Variants in KLF8 observed in about 807,000 individuals in gnomAD.
KLF8 encodes the protein Krueppel-like factor 8.
Under a neutral mutation model 18.2 loss-of-function variants are expected in KLF8, and 10 were observed. The ratio of observed to expected loss-of-function variants is 0.55; its 90% CI spans 0.34 to 0.93. The LOEUF (loss-of-function observed/expected upper bound fraction) is 0.93, where lower values mean the gene tolerates loss of function less well. Among genes scored for constraint, KLF8 ranks in the 40% least tolerant of loss-of-function variants. The probability of loss-of-function intolerance (pLI) is 0.02; values close to 1 mark genes in which losing one functional copy is unlikely to be tolerated. For missense variants in KLF8, 264 were observed against 277.9 expected (o/e 0.95, Z 0.36); for synonymous variants, 109 against 97.3 (o/e 1.12, Z -0.71).
the KLF8 span, among the ~76,000 whole-genome samples, chrX:55,953,636 G>A: frequency 1.8e-5 from 2 of 111,142 alleles, no homozygotes; most frequent in Non-Finnish European, 3.8e-5. Flanking sequence ...ATATAGATAA[G>A]TGGAATAGAA....
At chrX:55,967,848 A>G in the KLF8 span, among the ~76,000 whole-genome samples, 6 of 112,003 alleles carry the variant, frequency 5.4e-5, no homozygotes, top group African/African-American at 1.6e-4. Flanking sequence ...ATAAATGGAA[A>G]CAAACCCACA....
chrX:56,112,045 T>A, the KLF8 span, among the ~76,000 whole-genome samples: 1 of 111,947 alleles, frequency 8.9e-6, no homozygotes, highest in Non-Finnish European at 1.9e-5. Context: ...ATGTTTATTG[T>A]GGCACTGTTC....
At chrX:56,095,072 C>G in the KLF8 span, among the ~76,000 whole-genome samples, 2 of 111,000 alleles carry the variant, frequency 1.8e-5, no homozygotes, top group African/African-American at 6.5e-5. Context: ...ATGGACAAAG[C>G]TGGAGGTATT....
In KLF8 at chrX:56,265,589, CCT is replaced by C. The variant is rs1170989452; in HGVS notation, c.493_494del (p.Val166GlnfsTer5). 8.3e-7 allele frequency: 1 copy of C among 1,211,856 alleles called. No homozygotes were observed. The highest frequency in any genetic ancestry group is 1.8e-5 in the South Asian group (1 of 56,986). On this transcript the variant is annotated frameshift_variant, in exon 3 of 6. Coordinates refer to ENST00000468660, the MANE Select transcript of KLF8 (RefSeq NM_007250.5). LOFTEE classifies it high-confidence loss of function. Reference sequence around the variant, plus strand: ...ATCTTACATGTCATTCACACTATCCCCTCAGTCAGTCTGCCAAATAAGATGGG... The same window carrying C: ...ATCTTACATGTCATTCACACTATCCCCAGTCAGTCTGCCAAATAAGATGGG...
chrX:56,183,903 G>A, the KLF8 span, among the ~76,000 whole-genome samples: 112 of 111,634 alleles, frequency 1.0e-3, no homozygotes, highest in African/African-American at 3.5e-3. Flanking sequence ...CAAGATGGCC[G>A]AATAGGAACA....
At chrX:56,099,412 A>C in the KLF8 span, among the ~76,000 whole-genome samples, 1 of 111,227 alleles carries the variant, frequency 9.0e-6, no homozygotes, top group East Asian at 2.8e-4. Flanking sequence ...CAACAATATT[A>C]ACTTAGGTAA....
rs927733462 is a variant in KLF8 at position 56,288,292 on chromosome X, A to G, written c.*3798A>G. Among the ~76,000 whole-genome samples, 5 of 111,133 alleles carry G rather than the reference A, an allele frequency of 4.5e-5. No homozygotes were observed. Among genetic ancestry groups the G allele is most frequent in the African/African-American group, 1.6e-4 (5 of 30,562 alleles). ...TTGTTCAGGATTCCACATTACATCT[A>G]ATAGTCATATCTCCTTAGGATCCTT... On this transcript the variant is annotated 3_prime_UTR_variant, in exon 6 of 6. Transcript: ENST00000468660.
chrX:56,077,495 A>G, the KLF8 span, among the ~76,000 whole-genome samples: 4 of 111,549 alleles, frequency 3.6e-5, no homozygotes, highest in Non-Finnish European at 7.5e-5. Context: ...TGTTCCATTG[A>G]TCTATATCTC....
At chrX:56,035,749 A>G in the KLF8 span, among the ~76,000 whole-genome samples, 1 of 111,614 alleles carries the variant, frequency 9.0e-6, no homozygotes, top group East Asian at 2.8e-4. Flanking sequence ...TTTGTTGGCC[A>G]TTTATATGTC....
intron 2 of KLF8, among the ~76,000 whole-genome samples, chrX:56,258,136 T>G (rs1178578536): frequency 4.4e-5 from 5 of 112,767 alleles, no homozygotes; most frequent in Non-Finnish European, 1.9e-5. Context: ...GTTGGAAAAC[T>G]TCTGCCTGTT....
chrX:56,075,053 A>T, the KLF8 span, among the ~76,000 whole-genome samples: 1 of 110,803 alleles, frequency 9.0e-6, no homozygotes, highest in Non-Finnish European at 1.9e-5. Flanking sequence ...CACATCATGG[A>T]AAATAGAGTA....
chrX:56,084,942 C>A, the KLF8 span, among the ~76,000 whole-genome samples: 1 of 112,104 alleles, frequency 8.9e-6, no homozygotes, highest in Non-Finnish European at 1.9e-5. Context: ...CATTACCAAT[C>A]AAGGACTGAA....
At chrX:56,000,337 C>T in the KLF8 span, among the ~76,000 whole-genome samples, 14 of 109,296 alleles carry the variant, frequency 1.3e-4, no homozygotes, top group South Asian at 8.1e-4. Context: ...TTGGTTTTAA[C>T]GTGGTACTTG....
the KLF8 span, among the ~76,000 whole-genome samples, chrX:56,112,623 C>T: frequency 4.0e-4 from 45 of 111,528 alleles, no homozygotes; most frequent in African/African-American, 1.4e-3. Flanking sequence ...CCACACAACC[C>T]TTAAGGTCTG....
the KLF8 span, among the ~76,000 whole-genome samples, chrX:56,005,388 T>C: frequency 8.9e-6 from 1 of 111,995 alleles, no homozygotes; most frequent in Admixed American, 9.5e-5. Flanking sequence ...TTGCATTAGC[T>C]GGGGTGGCAT....
rs772104129 is a variant in KLF8, at chrX:56,233,249, C to T, written c.-86C>T. Reference sequence around the variant, plus strand: ...CAGAATGGGGCGGGTGTGAGGGGAACAGCTCTCTTGCGATCAGCTCAGGAG... The same window carrying T: ...CAGAATGGGGCGGGTGTGAGGGGAATAGCTCTCTTGCGATCAGCTCAGGAG... On this transcript the variant is annotated 5_prime_UTR_variant, in exon 1 of 6. Coordinates refer to ENST00000468660, the MANE Select transcript of KLF8 (RefSeq NM_007250.5). 1 of 1,144,074 alleles carries T rather than the reference C, an allele frequency of 8.7e-7. No individual in the cohort carries two copies. Among genetic ancestry groups the T allele is most frequent in the South Asian group, 1.8e-5 (1 of 54,345 alleles). The allele number at this position is 1,144,074 out of a possible 1,213,427, so 94.3% of individuals were successfully genotyped here.
At chrX:56,110,497 T>C in the KLF8 span, among the ~76,000 whole-genome samples, 1 of 112,043 alleles carries the variant, frequency 8.9e-6, no homozygotes, top group Non-Finnish European at 1.9e-5. Context: ...TGCTATACTG[T>C]ATTTGTTTTC....
the KLF8 span, among the ~76,000 whole-genome samples, chrX:56,081,307 T>G: frequency 1.1e-4 from 12 of 112,054 alleles, no homozygotes; most frequent in African/African-American, 2.9e-4. Flanking sequence ...ATGATGGTGA[T>G]GTACAGATGG....
chrX:56,272,695 G>A (rs2067072804), intron 5 of KLF8, among the ~76,000 whole-genome samples: 1 of 111,301 alleles, frequency 9.0e-6, no homozygotes, highest in South Asian at 3.8e-4. Flanking sequence ...TGGCATTTCT[G>A]TAAGTGCCCT....
Sources: gnomAD v4.1 joint callset for allele counts (sites outside exome capture counted in the v4.1 genomes callset) on GRCh38, gnomAD v4.1.1 for gene constraint, MANE v1.5 for transcripts, NCBI Gene and HGNC (gene_info 2026-07-23, HGNC 2026-07-21) for gene names.